ATF1: variants seen among roughly 807,000 people sequenced by gnomAD.
The protein encoded by ATF1 is activating transcription factor 1.
Under a neutral mutation model 34.7 loss-of-function variants are expected in ATF1, and 16 were observed. That is an observed-to-expected ratio of 0.46 (90% CI 0.31 to 0.70). The LOEUF (loss-of-function observed/expected upper bound fraction) is 0.70, where lower values mean the gene tolerates loss of function less well. ATF1 is among the 30% of genes least tolerant of loss of function. ATF1 has a pLI of 0.05. For missense variants in ATF1, 255 were observed against 321.6 expected (o/e 0.79, Z 1.58); for synonymous variants, 105 against 113.1 (o/e 0.93, Z 0.46).
intron 1 of ATF1, among the ~76,000 whole-genome samples, chr12:50,777,903 G>A (rs2139646715): frequency 6.6e-6 from 1 of 151,154 alleles, no homozygotes; most frequent in Middle Eastern, 3.4e-3. Context: ...CTCTCTAATT[G>A]TGGAGAAATA....
intron 2 of ATF1, among the ~76,000 whole-genome samples, chr12:50,785,036 AT>A (rs1941152508): frequency 7.1e-6 from 1 of 141,570 alleles, no homozygotes; most frequent in African/African-American, 2.5e-5. Context: ...TCCTAATGCT[AT>A]CCCTCCCCCC....
intron 4 of ATF1, among the ~76,000 whole-genome samples, chr12:50,810,864 C>G (rs749018797): frequency 5.9e-5 from 9 of 152,178 alleles, no homozygotes; most frequent in Non-Finnish European, 1.2e-4. Context: ...CTCTAATAAT[C>G]AGTTTTCCAT....
At chr12:50,764,629 C>G (rs983752056) in intron 1 of ATF1, 1 of 152,384 alleles carries the variant, frequency 6.6e-6, no homozygotes, top group Admixed American at 6.5e-5. Flanking sequence ...GGCGCTAGCT[C>G]TCCGTGGGAG....
At chr12:50,766,764 G>C (rs1190417313) in intron 1 of ATF1, among the ~76,000 whole-genome samples, 1 of 151,694 alleles carries the variant, frequency 6.6e-6, no homozygotes, top group Non-Finnish European at 1.5e-5. Flanking sequence ...GCAATGAGTG[G>C]GTCTTTTCTC....
intron 2 of ATF1, chr12:50,788,397 G>C: frequency 3.0e-6 from 1 of 333,778 alleles, no homozygotes; most frequent in Non-Finnish European, 5.9e-6. Context: ...TGTTGCCCAG[G>C]CTGGTCTCAA....
intron 1 of ATF1, among the ~76,000 whole-genome samples, chr12:50,772,318 C>CTTTTTTTTTTTT (rs71086475): frequency 3.4e-5 from 4 of 116,032 alleles, no homozygotes; most frequent in South Asian, 2.6e-4. Flanking sequence ...TGCTCCATTC[C>CTTTTTTTTTTTT]TTTTTTTTTT....
chr12:50,766,983 G>A (rs1940652288), intron 1 of ATF1, among the ~76,000 whole-genome samples: 1 of 152,302 alleles, frequency 6.6e-6, no homozygotes, highest in South Asian at 2.1e-4. Flanking sequence ...GGTGCTAAGC[G>A]GAGTGGCTAA....
At chr12:50,784,345 G>A (rs1190092695) in intron 2 of ATF1, among the ~76,000 whole-genome samples, 1 of 152,192 alleles carries the variant, frequency 6.6e-6, no homozygotes, top group Non-Finnish European at 1.5e-5. Context: ...AGCAGGATAG[G>A]AGAGATAGGG....
chr12:50,779,130 TACAGTC>T (rs1180918836), intron 1 of ATF1, among the ~76,000 whole-genome samples: 1 of 152,242 alleles, frequency 6.6e-6, no homozygotes, highest in Non-Finnish European at 1.5e-5. Context: ...CCATTGTATG[TACAGTC>T]ACTATTTTAT....
At chr12:50,784,328 C>A (rs1941137847) in intron 2 of ATF1, among the ~76,000 whole-genome samples, 1 of 152,116 alleles carries the variant, frequency 6.6e-6, no homozygotes, top group African/African-American at 2.4e-5. Context: ...GCCATGGAGA[C>A]AAATAAAGCA....
At chr12:50,794,374 G>C (rs1941368495) in intron 2 of ATF1, among the ~76,000 whole-genome samples, 1 of 151,320 alleles carries the variant, frequency 6.6e-6, no homozygotes, top group Non-Finnish European at 1.5e-5. Flanking sequence ...AGACCAGCCT[G>C]ACCAACATGG....
intron 1 of ATF1, among the ~76,000 whole-genome samples, chr12:50,770,180 A>G (rs1417878908): frequency 6.6e-6 from 1 of 152,230 alleles, no homozygotes; most frequent in African/African-American, 2.4e-5. Flanking sequence ...ACTTATGGCA[A>G]TGTAATTATT....
At chr12:50,798,521 T>G (rs935195639) in intron 3 of ATF1, among the ~76,000 whole-genome samples, 24 of 152,032 alleles carry the variant, frequency 1.6e-4, no homozygotes, top group East Asian at 9.7e-4. Flanking sequence ...GTGTTAGCCA[T>G]GATGGTCTCA....
Position 50,789,083 on chromosome 12 carries a change from G to GT in ATF1, c.94-6815dup, listed in dbSNP as rs986277342. Among the ~76,000 whole-genome samples, 573 of 145,502 alleles carry GT rather than the reference G, an allele frequency of 3.9e-3. 2 individuals carry two copies. The highest frequency in any genetic ancestry group is 0.012 in the African/African-American group (475 of 39,942). ...TATATTAAATGAGGTTTTTTTTGTT[G>GT]TTTTTTTTTTTCGGAGACAGAGTCT... On this transcript the variant is annotated intron_variant, in intron 2 of 6. Coordinates refer to ENST00000262053, the MANE Select transcript of ATF1 (RefSeq NM_005171.5).
At position 50,774,377 on chromosome 12, in the gene ATF1, C is replaced by T. The variant is rs576907694; in HGVS notation, c.-6-5763C>T. On this transcript the variant is annotated intron_variant, in intron 1 of 6. Coordinates refer to ENST00000262053, the MANE Select transcript of ATF1 (RefSeq NM_005171.5). Reference sequence around the variant, plus strand: ...GGCCCTGCCTTCCCTGACATTCTCTCTATGTCAGCAAGATCTCAGCCCACC... The same window carrying T: ...GGCCCTGCCTTCCCTGACATTCTCTTTATGTCAGCAAGATCTCAGCCCACC... 3.3e-5 allele frequency among the ~76,000 whole-genome samples: 5 copies of T among 152,260 alleles called. No homozygotes were observed. In the South Asian group the frequency reaches 1.0e-3, roughly 32 times the overall value.
intron 6 of ATF1, among the ~76,000 whole-genome samples, chr12:50,817,472 T>G (rs1418553905): frequency 6.6e-6 from 1 of 152,124 alleles, no homozygotes; most frequent in African/African-American, 2.4e-5. Context: ...AGTTTTAGGG[T>G]CATATACGTA....
At chr12:50,800,994 G>A (rs1434155185) in intron 3 of ATF1, among the ~76,000 whole-genome samples, 4 of 152,036 alleles carry the variant, frequency 2.6e-5, no homozygotes, top group Non-Finnish European at 4.4e-5. Flanking sequence ...CCAGCTACTC[G>A]GGAGGCTGAG....
intron 3 of ATF1, among the ~76,000 whole-genome samples, chr12:50,807,802 G>GTT (rs60898769): frequency 2.8e-5 from 4 of 141,874 alleles, no homozygotes; most frequent in African/African-American, 1.0e-4. Context: ...TTGTGTGTGT[G>GTT]TTTTTTTTTT....
At chr12:50,778,546 A>G (rs139683043) in intron 1 of ATF1, among the ~76,000 whole-genome samples, 7 of 151,498 alleles carry the variant, frequency 4.6e-5, no homozygotes, top group African/African-American at 1.7e-4. Flanking sequence ...TTAAACATAC[A>G]GTTCTATAGT....
Sources: allele counts gnomAD v4.1 joint callset (sites outside exome capture counted in the v4.1 genomes callset), GRCh38; gene constraint gnomAD v4.1.1; transcripts MANE v1.5; gene names NCBI Gene and HGNC (gene_info 2026-07-23, HGNC 2026-07-21).